Variants in FHIT observed in about 807,000 individuals in gnomAD.
The protein encoded by FHIT is fragile histidine triad diadenosine triphosphatase.
Under a neutral mutation model 17.9 loss-of-function variants are expected in FHIT, and 19 were observed. The ratio of observed to expected loss-of-function variants is 1.06; its 90% CI spans 0.74 to 1.56. The LOEUF (loss-of-function observed/expected upper bound fraction) is 1.56, where lower values mean the gene tolerates loss of function less well. FHIT is among the 40% of genes most tolerant of loss of function. The pLI is 0.00. For missense variants in FHIT, 248 were observed against 189.2 expected, an observed-to-expected ratio of 1.31 and a Z score of -1.82; for synonymous variants, 81 against 69.7, an observed-to-expected ratio of 1.16 and a Z score of -0.81.
intron 5 of FHIT, among the ~76,000 whole-genome samples, chr3:60,115,047 ATG>A (rs200284062): frequency 1.3e-5 from 2 of 151,966 alleles, no homozygotes; most frequent in African/African-American, 2.4e-5. Context: ...AATTAATCAC[ATG>A]CTTATTAATA....
chr3:60,335,700 T>C (rs950355725), intron 5 of FHIT, among the ~76,000 whole-genome samples: 1 of 152,168 alleles, frequency 6.6e-6, no homozygotes, highest in African/African-American at 2.4e-5. Context: ...CAAAAACCTC[T>C]TGTTTTTATA....
intron 5 of FHIT, among the ~76,000 whole-genome samples, chr3:60,308,058 A>G (rs928139863): frequency 6.6e-6 from 1 of 152,146 alleles, no homozygotes; most frequent in Non-Finnish European, 1.5e-5. Context: ...TAAGAGGAAA[A>G]CAACGGACAG....
At position 59,748,215 on chromosome 3, in the gene FHIT, TTAAGATATA is replaced by T. The variant is rs1559564534; in HGVS notation, c.*1361_*1369del. On this transcript the variant is annotated 3_prime_UTR_variant, in exon 10 of 10. Coordinates refer to ENST00000492590, the MANE Select transcript of FHIT (RefSeq NM_002012.4). ...TTTCTTTGAGGCTGAAATATAAAGT[TTAAGATATA>T]TATACTAAAATTCAAAAAGTGAATC... Among the ~76,000 whole-genome samples the T allele has an allele frequency of 6.6e-6, 1 of 152,156 alleles. No homozygotes were observed. Among genetic ancestry groups the T allele is most frequent in the Non-Finnish European group, 1.5e-5 (1 of 68,028 alleles).
intron 5 of FHIT, among the ~76,000 whole-genome samples, chr3:60,179,594 C>A (rs571734304): frequency 1.3e-5 from 2 of 151,518 alleles, no homozygotes; most frequent in African/African-American, 4.8e-5. Flanking sequence ...GTCTTTCTGC[C>A]AAGACAGGAA....
intron 5 of FHIT, among the ~76,000 whole-genome samples, chr3:60,499,931 T>C (rs1225310453): frequency 6.6e-6 from 1 of 152,200 alleles, no homozygotes; most frequent in Non-Finnish European, 1.5e-5. Flanking sequence ...TGTTTGTGAT[T>C]TATGGGTTTA....
At chr3:60,131,026 T>TACACACAAACCC (rs1321556635) in intron 5 of FHIT, among the ~76,000 whole-genome samples, 1 of 77,824 alleles carries the variant, frequency 1.3e-5, no homozygotes, top group African/African-American at 8.2e-5. Flanking sequence ...TACACATATA[T>TACACACAAACCC]ACATATGTGT....
intron 3 of FHIT, among the ~76,000 whole-genome samples, chr3:61,018,319 T>C (rs1445836170): frequency 6.6e-6 from 1 of 152,218 alleles, no homozygotes; most frequent in African/African-American, 2.4e-5. Flanking sequence ...CTTTTTCCAA[T>C]TTAGAAAAGA....
At chr3:60,739,704 A>G (rs1387348447) in intron 4 of FHIT, among the ~76,000 whole-genome samples, 6 of 152,204 alleles carry the variant, frequency 3.9e-5, no homozygotes, top group African/African-American at 2.4e-5. Context: ...TATGTCTCTC[A>G]AGAGCCAAAA....
intron 4 of FHIT, among the ~76,000 whole-genome samples, chr3:60,704,865 A>C (rs1374964829): frequency 1.4e-5 from 2 of 147,034 alleles, no homozygotes; most frequent in East Asian, 3.9e-4. Flanking sequence ...CTTCTCAGAG[A>C]TATCTTGAGA....
At chr3:60,020,201 A>AAATTTGATAAGTTCAAAATT (rs1228149542) in intron 5 of FHIT, among the ~76,000 whole-genome samples, 1 of 152,270 alleles carries the variant, frequency 6.6e-6, no homozygotes, top group Non-Finnish European at 1.5e-5. Context: ...TATTCAAAAT[A>AAATTTGATAAGTTCAAAATT]AATTTGATAA....
At chr3:60,569,545 G>A (rs1309311037) in intron 4 of FHIT, among the ~76,000 whole-genome samples, 1 of 151,430 alleles carries the variant, frequency 6.6e-6, no homozygotes, top group Non-Finnish European at 1.5e-5. Flanking sequence ...AAGACACCAG[G>A]ACGATATAGT....
intron 3 of FHIT, among the ~76,000 whole-genome samples, chr3:60,866,447 G>A (rs969879356): frequency 2.0e-5 from 3 of 152,100 alleles, no homozygotes; most frequent in Non-Finnish European, 4.4e-5. Flanking sequence ...CAGTGGAGAG[G>A]CCCACATGGG....
chr3:59,961,383 G>GA (rs142257923), intron 7 of FHIT, among the ~76,000 whole-genome samples: 1,964 of 152,060 alleles, frequency 0.013, 47 homozygotes, highest in African/African-American at 0.045. Flanking sequence ...GTTCCATAAG[G>GA]AAAAAAATAC....
At chr3:61,061,425 A>G (rs952056831) in intron 2 of FHIT, among the ~76,000 whole-genome samples, 5 of 151,980 alleles carry the variant, frequency 3.3e-5, no homozygotes, top group Non-Finnish European at 5.9e-5. Flanking sequence ...ATATCAAAAG[A>G]ATATCTTCAC....
At chr3:60,361,006 C>T (rs1699885111) in intron 5 of FHIT, among the ~76,000 whole-genome samples, 1 of 152,168 alleles carries the variant, frequency 6.6e-6, no homozygotes, top group Non-Finnish European at 1.5e-5. Context: ...ATTCATATAC[C>T]TCCCACTGCT....
At chr3:60,379,124 G>C (rs1366557033) in intron 5 of FHIT, among the ~76,000 whole-genome samples, 1 of 152,146 alleles carries the variant, frequency 6.6e-6, no homozygotes, top group African/African-American at 2.4e-5. Flanking sequence ...AACCGCTAAA[G>C]GTTAATTGGG....
intron 5 of FHIT, among the ~76,000 whole-genome samples, chr3:60,502,128 T>G (rs1019461042): frequency 1.3e-5 from 2 of 152,178 alleles, no homozygotes; most frequent in African/African-American, 4.8e-5. Context: ...AAAGTGATAG[T>G]AGTTATCACA....
At chr3:61,085,083 A>T (rs1411560341) in intron 2 of FHIT, among the ~76,000 whole-genome samples, 1 of 152,200 alleles carries the variant, frequency 6.6e-6, no homozygotes, top group Non-Finnish European at 1.5e-5. Flanking sequence ...CTTCTATAAT[A>T]GCTTGGGACC....
chr3:59,792,883 G>A (rs1252859237), intron 8 of FHIT, among the ~76,000 whole-genome samples: 3 of 139,322 alleles, frequency 2.2e-5, no homozygotes, highest in Admixed American at 7.1e-5. Flanking sequence ...GGGGGGGGGG[G>A]TCATGAACCT....
Sources: gnomAD v4.1 joint callset for allele counts (sites outside exome capture counted in the v4.1 genomes callset) on GRCh38, gnomAD v4.1.1 for gene constraint, MANE v1.5 for transcripts, NCBI Gene and HGNC (gene_info 2026-07-23, HGNC 2026-07-21) for gene names.